HS3ST5: variants seen among roughly 807,000 people sequenced by gnomAD.
The protein encoded by HS3ST5 is heparan sulfate-glucosamine 3-sulfotransferase 5.
In HS3ST5, 10 loss-of-function variants were observed where a neutral mutation model predicts 25.4. The ratio of observed to expected loss-of-function variants is 0.39; its 90% CI spans 0.24 to 0.67. The LOEUF is 0.67. Among genes scored for constraint, HS3ST5 ranks in the 30% least tolerant of loss-of-function variants. The probability of loss-of-function intolerance (pLI) is 0.44; values close to 1 mark genes in which losing one functional copy is unlikely to be tolerated. For missense variants in HS3ST5, 324 were observed against 420.7 expected (o/e 0.77, Z 2.01); for synonymous variants, 170 against 162.4 (o/e 1.05, Z -0.36).
chr6:114,106,374 A>C (rs1775991609), intron 3 of HS3ST5, among the ~76,000 whole-genome samples: 1 of 152,120 alleles, frequency 6.6e-6, no homozygotes, highest in Non-Finnish European at 1.5e-5. Context: ...TAGAGTTAGC[A>C]TTCCATAAAT....
chr6:114,185,366 G>A (rs192836046), intron 2 of HS3ST5, among the ~76,000 whole-genome samples: 3 of 152,270 alleles, frequency 2.0e-5, no homozygotes, highest in Admixed American at 2.0e-4. Context: ...CTTCTGCCAT[G>A]TGAAGACACA....
At chr6:114,292,940 T>G (rs1774646277) in intron 1 of HS3ST5, among the ~76,000 whole-genome samples, 1 of 152,172 alleles carries the variant, frequency 6.6e-6, no homozygotes, top group African/African-American at 2.4e-5. Context: ...ATTTTTTGTT[T>G]TTTTTTTTCC....
At chr6:114,335,349 T>C (rs1010031650) in intron 1 of HS3ST5, among the ~76,000 whole-genome samples, 1 of 152,078 alleles carries the variant, frequency 6.6e-6, no homozygotes, top group African/African-American at 2.4e-5. Context: ...AAACTTGATC[T>C]CTTAAGTCAA....
chr6:114,253,632 C>A (rs967790799), intron 1 of HS3ST5, among the ~76,000 whole-genome samples: 3 of 152,154 alleles, frequency 2.0e-5, no homozygotes, highest in African/African-American at 7.2e-5. Flanking sequence ...TACACTAGGT[C>A]TCCAAGTTCA....
chr6:114,287,585 C>T (rs1774392071), intron 1 of HS3ST5, among the ~76,000 whole-genome samples: 1 of 152,034 alleles, frequency 6.6e-6, no homozygotes, highest in South Asian at 2.1e-4. Flanking sequence ...GTTAAATAAT[C>T]TCTTATCACA....
Position 114,084,493 on chromosome 6 carries a change from G to C in HS3ST5, c.-32-21616C>G, listed in dbSNP as rs147789920. The C allele has an allele frequency of 3.7e-3, 2,830 of 758,342 alleles. 86 individuals are homozygous for C. The East Asian group carries it at 0.063, about 17-fold the overall frequency. The allele number at this position is 758,342 out of a possible 1,614,324, so 47.0% of individuals were successfully genotyped here. ...CTCCCGCGGGTATTCACGGGAAATG[G>C]TGCCACGCATGCGCAGAACTTCCCG... On this transcript the variant is annotated intron_variant, in intron 3 of 4. Coordinates refer to ENST00000312719, the MANE Select transcript of HS3ST5 (RefSeq NM_153612.4).
intron 3 of HS3ST5, among the ~76,000 whole-genome samples, chr6:114,075,506 A>G (rs1769798047): frequency 6.6e-6 from 1 of 152,216 alleles, no homozygotes; most frequent in Admixed American, 6.5e-5. Flanking sequence ...ACTTGTGGTG[A>G]GACATGAGCT....
At chr6:114,156,991 C>T (rs1031973307) in intron 3 of HS3ST5, among the ~76,000 whole-genome samples, 6 of 152,110 alleles carry the variant, frequency 3.9e-5, no homozygotes, top group East Asian at 1.9e-4. Flanking sequence ...CTGAACTCAA[C>T]GCTATTTATT....
intron 1 of HS3ST5, among the ~76,000 whole-genome samples, chr6:114,309,629 A>C (rs1775447915): frequency 6.6e-6 from 1 of 152,202 alleles, no homozygotes; most frequent in Non-Finnish European, 1.5e-5. Context: ...GCTACTCAGT[A>C]GGCTGAGACA....
chr6:114,153,937 T>C (rs902272861), intron 3 of HS3ST5, among the ~76,000 whole-genome samples: 1 of 152,164 alleles, frequency 6.6e-6, no homozygotes, highest in Non-Finnish European at 1.5e-5. Context: ...TGCACAGTGG[T>C]GAGCAGGGAA....
chr6:114,222,859 A>C (rs890021974), intron 2 of HS3ST5, among the ~76,000 whole-genome samples: 3 of 151,814 alleles, frequency 2.0e-5, no homozygotes, highest in Non-Finnish European at 4.4e-5. Flanking sequence ...ACTCTGTAGT[A>C]ATGTGTGGTT....
chr6:114,132,954 T>C (rs977847310), intron 3 of HS3ST5, among the ~76,000 whole-genome samples: 6 of 152,220 alleles, frequency 3.9e-5, no homozygotes, highest in African/African-American at 1.4e-4. Flanking sequence ...TGTTCTCTTA[T>C]CCGCATTCTA....
chr6:114,176,682 TA>T (rs890078388), intron 2 of HS3ST5, among the ~76,000 whole-genome samples: 1 of 151,904 alleles, frequency 6.6e-6, no homozygotes, highest in Non-Finnish European at 1.5e-5. Context: ...TAAATGATTC[TA>T]AAAAAAACTA....
intron 1 of HS3ST5, among the ~76,000 whole-genome samples, chr6:114,338,773 AT>A (rs1562280514): frequency 1.3e-5 from 2 of 152,246 alleles, no homozygotes; most frequent in Admixed American, 1.3e-4. Flanking sequence ...TTTGTCAACA[AT>A]TAAATTAGAT....
At chr6:114,098,697 G>C (rs550012554) in intron 3 of HS3ST5, among the ~76,000 whole-genome samples, 6 of 151,856 alleles carry the variant, frequency 4.0e-5, no homozygotes, top group Non-Finnish European at 7.4e-5. Context: ...AACATTTATT[G>C]TTATTCTGGA....
chr6:114,154,003 C>T (rs884818), intron 3 of HS3ST5, among the ~76,000 whole-genome samples: 42,856 of 151,936 alleles, frequency 0.28, 6,648 homozygotes, highest in South Asian at 0.45. Flanking sequence ...GAGAGGGTTT[C>T]GTGGGGAGCA....
intron 1 of HS3ST5, among the ~76,000 whole-genome samples, chr6:114,293,885 G>C (rs1430504392): frequency 1.3e-5 from 2 of 152,178 alleles, no homozygotes; most frequent in East Asian, 3.8e-4. Context: ...TTGGTGCCCA[G>C]GAGACCATCA....
intron 3 of HS3ST5, among the ~76,000 whole-genome samples, chr6:114,143,381 C>T (rs1188295601): frequency 2.0e-5 from 3 of 152,162 alleles, no homozygotes; most frequent in Non-Finnish European, 4.4e-5. Context: ...TGGGAGATCA[C>T]TATATATAAC....
At chr6:114,290,012 C>T (rs1353335927) in intron 1 of HS3ST5, among the ~76,000 whole-genome samples, 1 of 152,056 alleles carries the variant, frequency 6.6e-6, no homozygotes, top group Non-Finnish European at 1.5e-5. Flanking sequence ...GCCACAACAA[C>T]TTATTATATA....
Sources: gnomAD v4.1 joint callset for allele counts (sites outside exome capture counted in the v4.1 genomes callset) on GRCh38, gnomAD v4.1.1 for gene constraint, MANE v1.5 for transcripts, NCBI Gene and HGNC (gene_info 2026-07-23, HGNC 2026-07-21) for gene names.